Variants in TRHDE observed in about 807,000 individuals in gnomAD.
TRHDE encodes thyrotropin releasing hormone degrading enzyme, also known as thyrotropin-releasing hormone-degrading ectoenzyme.
Under a neutral mutation model 125.7 loss-of-function variants are expected in TRHDE, and 72 were observed. The ratio of observed to expected loss-of-function variants is 0.57; its 90% confidence interval spans 0.47 to 0.70. TRHDE has a LOEUF of 0.70. Ranked by LOEUF, TRHDE falls within the 30% of genes least tolerant of loss-of-function variation. TRHDE has a pLI of 0.00. For missense variants in TRHDE, 1,110 were observed against 1,327.1 expected, an observed-to-expected ratio of 0.84 and a Z score of 2.54; for synonymous variants, 509 against 509.1, an observed-to-expected ratio of 1.00 and a Z score of 0.00.
At chr12:72,514,267 G>A (rs1480741866) in intron 6 of TRHDE, among the ~76,000 whole-genome samples, 1 of 152,114 alleles carries the variant, frequency 6.6e-6, no homozygotes, top group African/African-American at 2.4e-5. Context: ...ATATGAGACA[G>A]CAGAAACAAT....
chr12:72,166,725 A>C (rs1876757899), intron 2 of TRHDE, among the ~76,000 whole-genome samples: 1 of 152,312 alleles, frequency 6.6e-6, no homozygotes, highest in Non-Finnish European at 1.5e-5. Context: ...ATCCTGTATA[A>C]AGATGATTTC....
At chr12:72,483,258 G>C (rs1592479844) in intron 5 of TRHDE, among the ~76,000 whole-genome samples, 1 of 151,772 alleles carries the variant, frequency 6.6e-6, no homozygotes, top group Admixed American at 6.6e-5. Context: ...GTTAGAGTTA[G>C]AGTAATGAAT....
intron 6 of TRHDE, among the ~76,000 whole-genome samples, chr12:72,534,895 TA>T (rs1372508259): frequency 1.3e-5 from 2 of 152,010 alleles, no homozygotes; most frequent in Non-Finnish European, 2.9e-5. Flanking sequence ...GCTCATGGGA[TA>T]ATGGGAAGAA....
intron 7 of TRHDE, among the ~76,000 whole-genome samples, chr12:72,558,364 T>C (rs948016122): frequency 3.9e-5 from 6 of 152,154 alleles, no homozygotes; most frequent in African/African-American, 1.4e-4. Context: ...AAAGAATATG[T>C]AGAGAATTGC....
Position 72,272,906 on chromosome 12 carries a change from C to G in TRHDE, c.263C>G (p.Ala88Gly), listed in dbSNP as rs1268819545. The G allele has an allele frequency of 3.4e-5, 53 of 1,577,784 alleles. No individual in the cohort carries two copies. The highest frequency in any genetic ancestry group is 4.1e-5 in the Non-Finnish European group (48 of 1,170,142). Residue 88 changes from alanine (A) to glycine (G), a missense_variant, in exon 1 of 19, where the codon GCC becomes GGC. Coordinates refer to ENST00000261180, the MANE Select transcript of TRHDE (RefSeq NM_013381.3). The surrounding 1 kb of genome is among the most constrained non-coding windows in gnomAD (Gnocchi z 6.7). ...HIAVHKRLVL[A>G]FAVSLVALLA... ...GCCGTACACAAGCGGCTTGTGCTGGCCTTCGCTGTGTCCCTCGTGGCATTG... is the reference window on the plus strand; with the variant it reads ...GCCGTACACAAGCGGCTTGTGCTGGGCTTCGCTGTGTCCCTCGTGGCATTG...
At chr12:72,321,561 C>A (rs1418539921) in intron 2 of TRHDE, among the ~76,000 whole-genome samples, 1 of 152,184 alleles carries the variant, frequency 6.6e-6, no homozygotes, top group East Asian at 1.9e-4. Flanking sequence ...AGGAAGAAGA[C>A]ATTTGTGAGT....
intron 7 of TRHDE, among the ~76,000 whole-genome samples, chr12:72,559,552 T>G (rs1469444384): frequency 6.6e-6 from 1 of 152,072 alleles, no homozygotes; most frequent in East Asian, 1.9e-4. Flanking sequence ...AAGAATATTC[T>G]GGTGATTATC....
chr12:72,595,288 T>C (rs1270367765), intron 12 of TRHDE, among the ~76,000 whole-genome samples: 9 of 151,906 alleles, frequency 5.9e-5, no homozygotes, highest in Admixed American at 5.9e-4. Flanking sequence ...TTTTCAAAAA[T>C]AAGCATTCAA....
intron 6 of TRHDE, among the ~76,000 whole-genome samples, chr12:72,512,943 TC>T (rs1436032044): frequency 4.6e-5 from 7 of 152,042 alleles, no homozygotes; most frequent in Non-Finnish European, 1.0e-4. Flanking sequence ...ACTGAATTGA[TC>T]TTTCCTATGG....
At chr12:72,643,532 G>A (rs1405103974) in intron 15 of TRHDE, among the ~76,000 whole-genome samples, 1 of 151,994 alleles carries the variant, frequency 6.6e-6, no homozygotes, top group Non-Finnish European at 1.5e-5. Context: ...GACCTTCTTT[G>A]CCCTGTATTT....
At chr12:72,154,728 C>T (rs978093172) in intron 2 of TRHDE, among the ~76,000 whole-genome samples, 3 of 152,342 alleles carry the variant, frequency 2.0e-5, no homozygotes, top group Admixed American at 2.0e-4. Context: ...GGCCCCCACT[C>T]TCTTCTGGCT....
intron 3 of TRHDE, among the ~76,000 whole-genome samples, chr12:72,463,415 TG>T (rs1402997570): frequency 6.6e-6 from 1 of 152,168 alleles, no homozygotes; most frequent in Non-Finnish European, 1.5e-5. Context: ...TGTGGACAAC[TG>T]GAAGGCAGAA....
Position 72,089,822 on chromosome 12 carries a change from C to G in TRHDE, n.174+2383C>G, listed in dbSNP as rs536310936. Among the ~76,000 whole-genome samples the G allele has an allele frequency of 8.5e-4, 130 of 152,148 alleles. 1 individual carries two copies. Among genetic ancestry groups the G allele is most frequent in the Non-Finnish European group, 1.7e-3 (116 of 68,034 alleles). On this transcript the variant is annotated intron_variant and non_coding_transcript_variant, in intron 1 of 4. Transcript: ENST00000548156. ...CCATGCAATGAGAAGTCTATGTGAA[C>G]TGGGATCTGCATCTGCTTTCCTTTC...
At chr12:72,560,612 A>G (rs930058686) in intron 7 of TRHDE, 4 of 152,148 alleles carry the variant, frequency 2.6e-5, no homozygotes, top group Non-Finnish European at 5.9e-5. Context: ...GCTCGAGCCC[A>G]GGAGCTCAAG....
At chr12:72,602,292 A>T (rs1400830360) in intron 12 of TRHDE, among the ~76,000 whole-genome samples, 1 of 152,138 alleles carries the variant, frequency 6.6e-6, no homozygotes, top group African/African-American at 2.4e-5. Flanking sequence ...GACAGACACA[A>T]CTCCAAACAC....
chr12:72,244,026 T>C (rs572356474), intron 2 of TRHDE, among the ~76,000 whole-genome samples: 2 of 152,266 alleles, frequency 1.3e-5, no homozygotes, highest in South Asian at 4.1e-4. Context: ...AATATCTCTG[T>C]TCATGTAGAC....
chr12:72,514,979 A>G (rs1387422734), intron 6 of TRHDE, among the ~76,000 whole-genome samples: 2 of 149,796 alleles, frequency 1.3e-5, no homozygotes, highest in Non-Finnish European at 1.5e-5. Flanking sequence ...ATCATTTTCT[A>G]TGGCTGCATA....
chr12:72,491,578 G>A (rs1297372312), intron 5 of TRHDE, among the ~76,000 whole-genome samples: 1 of 151,816 alleles, frequency 6.6e-6, no homozygotes, highest in Admixed American at 6.6e-5. Flanking sequence ...CAGCTTGGAT[G>A]TTAAAAACAA....
intron 2 of TRHDE, among the ~76,000 whole-genome samples, chr12:72,128,642 C>T (rs1156873681): frequency 3.9e-5 from 6 of 152,042 alleles, no homozygotes; most frequent in Admixed American, 6.5e-5. Context: ...TTTTAAAAAC[C>T]GCTGTATGGG....
Sources: allele counts gnomAD v4.1 joint callset (sites outside exome capture counted in the v4.1 genomes callset), GRCh38; gene constraint gnomAD v4.1.1; non-coding constraint Gnocchi (gnomAD v3.1); transcripts MANE v1.5; gene names NCBI Gene and HGNC (gene_info 2026-07-23, HGNC 2026-07-21).